Variants in BRINP3 observed in about 807,000 individuals in gnomAD.
BRINP3 encodes BMP/retinoic acid-inducible neural-specific protein 3.
In BRINP3, 19 loss-of-function variants were observed where a neutral mutation model predicts 71.0. The ratio of observed to expected loss-of-function variants is 0.27; its 90% CI spans 0.19 to 0.39. The LOEUF is 0.39. BRINP3 is among the 10% of genes least tolerant of loss of function. The probability of loss-of-function intolerance (pLI) is 1.00; values close to 1 mark genes in which losing one functional copy is unlikely to be tolerated. For missense variants in BRINP3, 959 were observed against 940.8 expected (o/e 1.02, Z -0.25); for synonymous variants, 380 against 337.7 (o/e 1.13, Z -1.37).
intron 2 of BRINP3, among the ~76,000 whole-genome samples, chr1:190,402,608 T>A (rs1331822708): frequency 6.6e-6 from 1 of 152,202 alleles, no homozygotes; most frequent in Non-Finnish European, 1.5e-5. Flanking sequence ...AGGGAATGAA[T>A]ATTAAGCTTT....
At chr1:190,311,274 G>T (rs1665498210) in intron 2 of BRINP3, among the ~76,000 whole-genome samples, 1 of 151,556 alleles carries the variant, frequency 6.6e-6, no homozygotes, top group African/African-American at 2.4e-5. Flanking sequence ...CTTGAAAACT[G>T]ACAATGATTT....
intron 2 of BRINP3, among the ~76,000 whole-genome samples, chr1:190,286,680 T>C (rs1303590810): frequency 2.0e-5 from 3 of 152,152 alleles, no homozygotes; most frequent in Non-Finnish European, 4.4e-5. Flanking sequence ...TGGCTAGTAA[T>C]TTTATCAATA....
chr1:190,334,604 A>G (rs1667170392), intron 2 of BRINP3, among the ~76,000 whole-genome samples: 2 of 151,818 alleles, frequency 1.3e-5, no homozygotes, highest in Non-Finnish European at 2.9e-5. Context: ...AAAATTGACT[A>G]TGACCCTTTT....
intron 6 of BRINP3, among the ~76,000 whole-genome samples, chr1:190,187,747 T>C (rs1653661020): frequency 6.6e-6 from 1 of 152,074 alleles, no homozygotes; most frequent in Non-Finnish European, 1.5e-5. Context: ...TCCATGCCAG[T>C]GCCATGTTTT....
At chr1:190,338,462 T>A (rs894443498) in intron 2 of BRINP3, among the ~76,000 whole-genome samples, 1 of 152,076 alleles carries the variant, frequency 6.6e-6, no homozygotes, top group Non-Finnish European at 1.5e-5. Context: ...TCAACTCCTA[T>A]TGTCCAGAGG....
At chr1:190,111,210 T>G (rs1256894300) in intron 7 of BRINP3, among the ~76,000 whole-genome samples, 1 of 121,550 alleles carries the variant, frequency 8.2e-6, no homozygotes, top group African/African-American at 3.6e-5. Flanking sequence ...AAAAAAAAAC[T>G]TTAGAACTTT....
At chr1:190,319,437 G>C (rs184310729) in intron 2 of BRINP3, among the ~76,000 whole-genome samples, 41 of 152,122 alleles carry the variant, frequency 2.7e-4, no homozygotes, top group Admixed American at 1.4e-3. Context: ...TAGAGAATAG[G>C]CTTCTGTATT....
Position 190,272,712 on chromosome 1 carries a change from G to T in BRINP3, c.428-7657C>A, listed in dbSNP as rs1201229389. ...ATATAGGATTACTAATAATAGTAGT[G>T]GGTTATCATTTCTAATAGCCTGATA... On this transcript the variant is annotated intron_variant, in intron 3 of 7. Transcript: ENST00000367462. 2.0e-5 allele frequency among the ~76,000 whole-genome samples: 3 copies of T among 151,376 alleles called. No homozygotes were observed. The Admixed American group carries it at 2.0e-4, about 10-fold the overall frequency.
intron 7 of BRINP3, among the ~76,000 whole-genome samples, chr1:190,111,206 A>AC (rs1553241601): frequency 7.0e-6 from 1 of 142,046 alleles, no homozygotes; most frequent in Non-Finnish European, 1.5e-5. Flanking sequence ...AAAAAAAAAA[A>AC]AACTTTAGAA....
At chr1:190,259,575 A>G (rs1660983244) in intron 4 of BRINP3, among the ~76,000 whole-genome samples, 1 of 150,744 alleles carries the variant, frequency 6.6e-6, no homozygotes. Context: ...AGCAGGACAA[A>G]GAAAGAATTT....
intron 6 of BRINP3, among the ~76,000 whole-genome samples, chr1:190,165,957 T>C (rs980840359): frequency 2.6e-5 from 4 of 152,144 alleles, no homozygotes; most frequent in African/African-American, 9.7e-5. Context: ...TAACCCTTAG[T>C]AGAACTGGTA....
chr1:190,202,652 C>T (rs1021107683), intron 6 of BRINP3, among the ~76,000 whole-genome samples: 5 of 152,028 alleles, frequency 3.3e-5, no homozygotes, highest in Non-Finnish European at 5.9e-5. Flanking sequence ...TGGGACAGGT[C>T]TTTCCCATGC....
intron 2 of BRINP3, among the ~76,000 whole-genome samples, chr1:190,410,216 C>T (rs576789580): frequency 2.0e-5 from 3 of 152,120 alleles, no homozygotes; most frequent in African/African-American, 7.2e-5. Context: ...GCGTGTAGTA[C>T]AAATATTAAG....
chr1:190,197,662 G>A (rs993813377), intron 6 of BRINP3, among the ~76,000 whole-genome samples: 2 of 152,138 alleles, frequency 1.3e-5, no homozygotes, highest in South Asian at 4.1e-4. Context: ...TCACACTTAT[G>A]CAAGAGGTGG....
At chr1:190,420,653 C>T (rs1267386398) in intron 2 of BRINP3, among the ~76,000 whole-genome samples, 1 of 151,934 alleles carries the variant, frequency 6.6e-6, no homozygotes, top group Non-Finnish European at 1.5e-5. Context: ...AACTTTCATG[C>T]TCCAATTGTA....
intron 2 of BRINP3, among the ~76,000 whole-genome samples, chr1:190,362,809 G>T (rs1669234493): frequency 6.6e-6 from 1 of 152,112 alleles, no homozygotes; most frequent in Non-Finnish European, 1.5e-5. Context: ...CACTATGATT[G>T]TGAGGACTAC....
chr1:190,400,291 GA>G (rs1671838536), intron 2 of BRINP3, among the ~76,000 whole-genome samples: 1 of 152,116 alleles, frequency 6.6e-6, no homozygotes, highest in Non-Finnish European at 1.5e-5. Context: ...TATAACTTAT[GA>G]GTTGAATTCG....
chr1:190,360,727 A>G (rs572307528), intron 2 of BRINP3, among the ~76,000 whole-genome samples: 4 of 152,042 alleles, frequency 2.6e-5, no homozygotes, highest in Non-Finnish European at 4.4e-5. Flanking sequence ...TTGTATTTCA[A>G]TCTATTCCCA....
intron 6 of BRINP3, among the ~76,000 whole-genome samples, chr1:190,188,838 G>C (rs1230369611): frequency 1.3e-5 from 2 of 151,608 alleles, no homozygotes; most frequent in Non-Finnish European, 2.9e-5. Flanking sequence ...TCGGCTCACT[G>C]CAACCTCTGC....
Sources: allele counts gnomAD v4.1 joint callset (sites outside exome capture counted in the v4.1 genomes callset), GRCh38; gene constraint gnomAD v4.1.1; transcripts MANE v1.5; gene names NCBI Gene and HGNC (gene_info 2026-07-23, HGNC 2026-07-21).